The following GABRB2 variants were observed in gnomAD, a reference collection of about 807,000 sequenced individuals.
GABRB2 encodes gamma-aminobutyric acid receptor subunit beta-2.
A neutral mutation model predicts 54.7 loss-of-function variants in GABRB2; 16 were observed. That is an observed-to-expected ratio of 0.29 (90% confidence interval 0.20 to 0.44). The LOEUF (loss-of-function observed/expected upper bound fraction) is 0.44, where lower values mean the gene tolerates loss of function less well. Among genes scored for constraint, GABRB2 ranks in the 20% least tolerant of loss-of-function variants. The pLI is 1.00. For synonymous variants in GABRB2, 244 were observed against 233.8 expected, an observed-to-expected ratio of 1.04 and a Z score of -0.40; for missense variants, 355 against 644.0, an observed-to-expected ratio of 0.55 and a Z score of 4.86.
At chr5:161,471,003 T>C (rs1032022731) in intron 3 of GABRB2, among the ~76,000 whole-genome samples, 2 of 151,984 alleles carry the variant, frequency 1.3e-5, no homozygotes, top group Non-Finnish European at 2.9e-5. Flanking sequence ...TTAGTCATCA[T>C]TATTCCTGAA....
chr5:161,380,825 C>T (rs1168244967), intron 5 of GABRB2, among the ~76,000 whole-genome samples: 1 of 151,316 alleles, frequency 6.6e-6, no homozygotes, highest in Admixed American at 6.6e-5. Context: ...ATTGGTACAC[C>T]ACAATCTTGA....
rs77453687 is a variant in GABRB2, at chr5:161,311,511, G to C, written c.1191+14857C>G. ...GGTTTCAATTTCTGTACGTAAAAGT[G>C]AAAGAGTATCTTCAGGTAGGTTTCC... is the stretch of plus-strand genomic sequence containing the variant. On this transcript the variant is annotated intron_variant, in intron 9 of 9. Transcript: ENST00000393959. Among the ~76,000 whole-genome samples, 3 of 152,160 alleles carry C rather than the reference G, an allele frequency of 2.0e-5. No individual in the cohort carries two copies. The East Asian group carries it at 5.8e-4, about 29-fold the overall frequency.
At chr5:161,483,039 C>T (rs762472002) in intron 3 of GABRB2, among the ~76,000 whole-genome samples, 8 of 151,944 alleles carry the variant, frequency 5.3e-5, no homozygotes, top group Admixed American at 6.6e-5. Flanking sequence ...TAGAAATTTG[C>T]TATGCACATT....
chr5:161,314,001 T>C (rs1757952508), intron 9 of GABRB2, among the ~76,000 whole-genome samples: 1 of 152,236 alleles, frequency 6.6e-6, no homozygotes, highest in Admixed American at 6.5e-5. Context: ...AGTTTCGTGT[T>C]ATACTGCAGC....
At chr5:161,481,506 TA>T (rs1287355237) in intron 3 of GABRB2, among the ~76,000 whole-genome samples, 1 of 152,012 alleles carries the variant, frequency 6.6e-6, no homozygotes, top group East Asian at 1.9e-4. Flanking sequence ...AATGACAGCT[TA>T]AAAATATGTT....
At chr5:161,523,997 T>C (rs1450626867) in intron 3 of GABRB2, among the ~76,000 whole-genome samples, 1 of 151,372 alleles carries the variant, frequency 6.6e-6, no homozygotes. Context: ...CTGACATCAA[T>C]TTCAGTAGTT....
intron 5 of GABRB2, among the ~76,000 whole-genome samples, chr5:161,382,589 G>T (rs1275555774): frequency 6.6e-6 from 1 of 152,070 alleles, no homozygotes; most frequent in East Asian, 1.9e-4. Flanking sequence ...GATTCCCTGT[G>T]TCTTGCTTTA....
chr5:161,447,527 C>T (rs1272440304), intron 4 of GABRB2, among the ~76,000 whole-genome samples: 1 of 152,048 alleles, frequency 6.6e-6, no homozygotes, highest in South Asian at 2.1e-4. Context: ...CATTTTGTTG[C>T]CTTTTATTCT....
At chr5:161,449,326 T>C (rs897342117) in intron 4 of GABRB2, among the ~76,000 whole-genome samples, 2 of 152,174 alleles carry the variant, frequency 1.3e-5, no homozygotes, top group African/African-American at 4.8e-5. Flanking sequence ...ATTCAGGACT[T>C]GACATATAAA....
chr5:161,347,457 C>A (rs114523479), intron 5 of GABRB2, among the ~76,000 whole-genome samples: 1 of 152,020 alleles, frequency 6.6e-6, no homozygotes, highest in Non-Finnish European at 1.5e-5. Context: ...TGCAGCTCCC[C>A]GCATGCAGAG....
At chr5:161,510,142 T>C (rs780749392) in intron 3 of GABRB2, among the ~76,000 whole-genome samples, 42 of 151,920 alleles carry the variant, frequency 2.8e-4, no homozygotes, top group Non-Finnish European at 4.3e-4. Flanking sequence ...CTAATTATAC[T>C]CTTTTAGTCA....
intron 9 of GABRB2, among the ~76,000 whole-genome samples, chr5:161,309,819 GACGGGGTTTC>G (rs1757807280): frequency 2.6e-5 from 4 of 152,126 alleles, no homozygotes; most frequent in African/African-American, 9.6e-5. Context: ...TTTTAGTAGA[GACGGGGTTTC>G]ACCGTGTTAG....
intron 4 of GABRB2, among the ~76,000 whole-genome samples, chr5:161,449,797 C>A (rs906242021): frequency 1.3e-5 from 2 of 151,792 alleles, no homozygotes; most frequent in African/African-American, 4.8e-5. Flanking sequence ...CATGCACACA[C>A]ACAATAGCAA....
intron 9 of GABRB2, among the ~76,000 whole-genome samples, chr5:161,312,222 G>A (rs539527962): frequency 3.9e-5 from 6 of 152,232 alleles, no homozygotes; most frequent in East Asian, 3.9e-4. Context: ...GTGAGTATTC[G>A]TCAAATGCAC....
At chr5:161,480,453 C>A (rs991558738) in intron 3 of GABRB2, among the ~76,000 whole-genome samples, 1 of 151,946 alleles carries the variant, frequency 6.6e-6, no homozygotes, top group Non-Finnish European at 1.5e-5. Context: ...TGGCTGCCAA[C>A]AAGGGGAGTC....
At chr5:161,545,350 AAG>A in intron 2 of GABRB2, 56 bp from the exon 3 acceptor site, 2 of 1,396,824 alleles carry the variant, frequency 1.4e-6, no homozygotes, top group Non-Finnish European at 2.0e-6. Context: ...CATTCTCAGC[AAG>A]AGTTATCCCT....
At chr5:161,382,120 T>C (rs1230956899) in intron 5 of GABRB2, among the ~76,000 whole-genome samples, 1 of 152,102 alleles carries the variant, frequency 6.6e-6, no homozygotes, top group Non-Finnish European at 1.5e-5. Flanking sequence ...CCATACTTGG[T>C]CCAATACATT....
At chr5:161,465,789 G>A (rs114084817) in intron 3 of GABRB2, among the ~76,000 whole-genome samples, 35 of 151,914 alleles carry the variant, frequency 2.3e-4, no homozygotes, top group African/African-American at 4.6e-4. Flanking sequence ...TTTTACATTC[G>A]TTTTAACTTT....
chr5:161,435,466 G>A (rs756331275), intron 4 of GABRB2, among the ~76,000 whole-genome samples: 1 of 152,106 alleles, frequency 6.6e-6, no homozygotes, highest in Non-Finnish European at 1.5e-5. Flanking sequence ...TGCCTAACCT[G>A]TTAGTGATGA....
Sources: gnomAD v4.1 joint callset for allele counts (sites outside exome capture counted in the v4.1 genomes callset) on GRCh38, gnomAD v4.1.1 for gene constraint, MANE v1.5 for transcripts, NCBI Gene and HGNC (gene_info 2026-07-23, HGNC 2026-07-21) for gene names.